The following DNAH11 variants were observed in gnomAD, a reference collection of about 807,000 sequenced individuals.
The protein encoded by DNAH11 is dynein axonemal heavy chain 11.
DNAH11 carries 442 observed loss-of-function variants against 526.0 expected under a neutral mutation model. That is an observed-to-expected ratio of 0.84 (90% CI 0.78 to 0.91). The LOEUF is 0.91. Ranked by LOEUF, DNAH11 falls within the 40% of genes least tolerant of loss-of-function variation. The pLI is 0.00. For synonymous variants in DNAH11, 2,461 were observed against 1,935.9 expected (o/e 1.27, Z -7.12); for missense variants, 6,989 against 5,448.7 (o/e 1.28, Z -8.90).
At chr7:21,745,213 T>A in intron 51 of DNAH11, 150 bp downstream of exon 51, 3 of 806,750 alleles carry the variant, frequency 3.7e-6, no homozygotes, top group Non-Finnish European at 5.6e-6. Context: ...AAAGGGTCGC[T>A]TTTTAATGTC....
At chr7:21,742,702 G>C (rs2906691) in intron 49 of DNAH11, among the ~76,000 whole-genome samples, 1 of 151,946 alleles carries the variant, frequency 6.6e-6, no homozygotes, top group East Asian at 1.9e-4. Flanking sequence ...ATATACTTTT[G>C]TATGTATTCT....
intron 45 of DNAH11, among the ~76,000 whole-genome samples, chr7:21,733,194 C>A (rs7805983): frequency 2.0e-5 from 3 of 152,044 alleles, no homozygotes; most frequent in South Asian, 4.1e-4. Flanking sequence ...CAAGACCAGC[C>A]TAGCCAACAT....
At chr7:21,881,902 G>A (rs190497502) in intron 75 of DNAH11, among the ~76,000 whole-genome samples, 25 of 151,446 alleles carry the variant, frequency 1.7e-4, no homozygotes, top group Non-Finnish European at 3.2e-4. Flanking sequence ...GGTATTTGAT[G>A]TTCAGTGTTC....
chr7:21,737,648 T>C (rs1249230948), intron 46 of DNAH11, among the ~76,000 whole-genome samples: 1 of 152,060 alleles, frequency 6.6e-6, no homozygotes, highest in South Asian at 2.1e-4. Flanking sequence ...CATATGGAAA[T>C]GACATGAAGT....
At chr7:21,850,678 A>G (rs1170844906) in intron 66 of DNAH11, among the ~76,000 whole-genome samples, 1 of 144,082 alleles carries the variant, frequency 6.9e-6, no homozygotes, top group Non-Finnish European at 1.5e-5. Flanking sequence ...CTTGAAAACC[A>G]GACATGATGT....
intron 70 of DNAH11, among the ~76,000 whole-genome samples, 191 bp from the exon 71 acceptor site, chr7:21,866,279 A>C (rs1049614161): frequency 3.3e-5 from 5 of 149,870 alleles, no homozygotes; most frequent in Non-Finnish European, 7.4e-5. Flanking sequence ...GAACCAGGGA[A>C]CTCAGCTCAA....
intron 20 of DNAH11, among the ~76,000 whole-genome samples, chr7:21,608,530 C>T (rs1327960819): frequency 6.6e-6 from 1 of 152,138 alleles, no homozygotes; most frequent in Non-Finnish European, 1.5e-5. Flanking sequence ...GATTTAATTG[C>T]TTTAAACTTA....
intron 31 of DNAH11, 169 bp downstream of exon 31, chr7:21,681,846 A>G (rs1434057269): frequency 1.2e-6 from 1 of 857,856 alleles, no homozygotes; most frequent in Non-Finnish European, 1.9e-6. Flanking sequence ...TAGCCAATAT[A>G]TTATTCTGAT....
At chr7:21,884,817 T>C (rs2128043940) in intron 76 of DNAH11, among the ~76,000 whole-genome samples, 1 of 152,340 alleles carries the variant, frequency 6.6e-6, no homozygotes, top group South Asian at 2.1e-4. Flanking sequence ...TTGATAGAAG[T>C]CTTTTGATTT....
chr7:21,692,124 T>G (rs1783657086), intron 35 of DNAH11, among the ~76,000 whole-genome samples: 1 of 152,206 alleles, frequency 6.6e-6, no homozygotes, highest in Non-Finnish European at 1.5e-5. Context: ...AACTCTGTAT[T>G]GTAATTTTGC....
At chr7:21,629,993 CT>C (rs1412400443) in intron 25 of DNAH11, among the ~76,000 whole-genome samples, 2 of 151,968 alleles carry the variant, frequency 1.3e-5, no homozygotes, top group East Asian at 1.9e-4. Context: ...TTCTTTTTTA[CT>C]TTTTTACTGC....
chr7:21,891,877 A>G (rs1784337827), intron 76 of DNAH11, among the ~76,000 whole-genome samples: 1 of 152,192 alleles, frequency 6.6e-6, no homozygotes, highest in Non-Finnish European at 1.5e-5. Context: ...CATTAAATGC[A>G]CATATCATTA....
intron 68 of DNAH11, among the ~76,000 whole-genome samples, chr7:21,858,614 C>T (rs567004511): frequency 2.0e-5 from 3 of 152,144 alleles, no homozygotes; most frequent in East Asian, 3.9e-4. Context: ...AGCCAGATAC[C>T]GAGGAGTATA....
intron 61 of DNAH11, among the ~76,000 whole-genome samples, chr7:21,798,190 G>T (rs1788801939): frequency 6.6e-6 from 1 of 152,166 alleles, no homozygotes; most frequent in Non-Finnish European, 1.5e-5. Context: ...TTGACTCCTA[G>T]GTTCAAGCAA....
rs545700572 is a variant in DNAH11, at chr7:21,811,877, G to T, written c.10332+3828G>T. On this transcript the variant is annotated intron_variant, in intron 63 of 81. Transcript: ENST00000409508. ...GGGTACAGGAATTTTAGGTTTCAAT[G>T]ATGAAATAATTTCAGATTGTTACAA... is the stretch of plus-strand genomic sequence containing the variant. Among the ~76,000 whole-genome samples, 4 of 152,248 alleles carry T rather than the reference G, an allele frequency of 2.6e-5. No individual in the cohort carries two copies. In the South Asian group the frequency reaches 8.3e-4, roughly 32 times the overall value.
rs973401107 is a variant in DNAH11 at position 21,690,452 on chromosome 7, A to C, written c.5925-313A>C. On this transcript the variant is annotated intron_variant, in intron 34 of 81. Coordinates refer to ENST00000409508, the MANE Select transcript of DNAH11 (RefSeq NM_001277115.2). ...GAATTGCAGCCCATGTTGAAGGTAA[A>C]AATGCCATCACCTCCTTCCATTAAA... Among the ~76,000 whole-genome samples, 70 of 152,292 alleles carry C rather than the reference A, an allele frequency of 4.6e-4. 2 individuals are homozygous for C. The highest frequency in any genetic ancestry group is 1.6e-3 in the African/African-American group (68 of 41,564).
chr7:21,825,909 A>G (rs187840762), intron 65 of DNAH11, among the ~76,000 whole-genome samples: 7 of 151,870 alleles, frequency 4.6e-5, no homozygotes, highest in African/African-American at 1.5e-4. Context: ...CAGTGAGCCA[A>G]GATGGTGCCA....
intron 20 of DNAH11, among the ~76,000 whole-genome samples, chr7:21,612,412 G>A (rs959517602): frequency 5.3e-5 from 8 of 151,952 alleles, no homozygotes; most frequent in Middle Eastern, 3.4e-3. Context: ...AAAATTAGCC[G>A]GGCGTGGTGG....
At chr7:21,834,857 C>CA (rs1400752795) in intron 65 of DNAH11, among the ~76,000 whole-genome samples, 3 of 151,706 alleles carry the variant, frequency 2.0e-5, no homozygotes, top group Non-Finnish European at 4.4e-5. Context: ...GATGCTGTCC[C>CA]AAAAAAACAA....
Sources: gnomAD v4.1 joint callset for allele counts (sites outside exome capture counted in the v4.1 genomes callset) on GRCh38, gnomAD v4.1.1 for gene constraint, MANE v1.5 for transcripts, NCBI Gene and HGNC (gene_info 2026-07-23, HGNC 2026-07-21) for gene names.